Variants in BLM observed in about 807,000 individuals in gnomAD.
BLM encodes BLM RecQ like helicase.
BLM carries 95 observed loss-of-function variants against 135.3 expected under a neutral mutation model. The observed-to-expected ratio is 0.70, with a 90% CI of 0.59 to 0.83. The LOEUF (loss-of-function observed/expected upper bound fraction) is 0.83, where lower values mean the gene tolerates loss of function less well. Among genes scored for constraint, BLM ranks in the 40% least tolerant of loss-of-function variants. The pLI, the probability that BLM is intolerant of heterozygous loss-of-function variation, is 0.00. For missense variants in BLM, 1,518 were observed against 1,663.9 expected (o/e 0.91, Z 1.53); for synonymous variants, 520 against 589.2 (o/e 0.88, Z 1.70).
chr15:90,734,015 T>C (rs1174622254), intron 1 of BLM, among the ~76,000 whole-genome samples: 4 of 152,138 alleles, frequency 2.6e-5, no homozygotes, highest in Admixed American at 6.6e-5. Context: ...TACAGATGAA[T>C]ATTATGTATA....
intron 1 of BLM, among the ~76,000 whole-genome samples, chr15:90,744,707 G>T (rs1010257475): frequency 6.6e-6 from 1 of 151,520 alleles, no homozygotes; most frequent in African/African-American, 2.4e-5. Flanking sequence ...AAATGGTGAA[G>T]TGCCCTAGGA....
rs574053990 is a variant in BLM at position 90,782,864 on chromosome 15, A to T, written c.2598A>T (p.Val866=). 32 of 1,613,966 alleles carry T rather than the reference A, an allele frequency of 2.0e-5. No homozygotes were observed. The African/African-American group carries it at 3.3e-4, about 17-fold the overall frequency. Residue 866 remains valine, a synonymous_variant, in exon 13 of 22, where the codon GTA becomes GTT. Coordinates refer to ENST00000355112, the MANE Select transcript of BLM (RefSeq NM_000057.4). ...SFNRHNLKYY[V]LPKKPKKVAF... is the part of the protein sequence containing the mutation. The stretch of plus-strand genomic sequence containing the variant: ...ACAGACATAATCTGAAATACTATGT[A>T]TTACCGAAAAAGCCTAAAAAGGTGG...
chr15:90,764,674 C>A (rs1896075423), intron 8 of BLM, among the ~76,000 whole-genome samples: 1 of 152,054 alleles, frequency 6.6e-6, no homozygotes, highest in Non-Finnish European at 1.5e-5. Context: ...TTATTTTAAT[C>A]CTAGTGTCAT....
intron 1 of BLM, among the ~76,000 whole-genome samples, chr15:90,733,796 G>C (rs1895128245): frequency 2.0e-5 from 3 of 152,012 alleles, no homozygotes; most frequent in Admixed American, 2.0e-4. Flanking sequence ...CTGCCTTCTT[G>C]CTCTCTTCTT....
chr15:90,728,728 A>C (rs200714910), intron 1 of BLM, among the ~76,000 whole-genome samples: 12 of 152,150 alleles, frequency 7.9e-5, no homozygotes, highest in Non-Finnish European at 1.3e-4. Context: ...TTTTGATGTC[A>C]TCTTAAAAAG....
rs115781921 is a variant in BLM, at chr15:90,748,634, G to A, written c.99-733G>A. Among the ~76,000 whole-genome samples, 519 of 152,218 alleles carry A rather than the reference G, an allele frequency of 3.4e-3. 7 individuals carry two copies. Among genetic ancestry groups the A allele is most frequent in the African/African-American group, 0.012 (510 of 41,532 alleles). ...ATCATTAAATCCAGCAGATAGCCAC[G>A]ATTCCTGCGTCTTTTACTTGTCCTG... is the stretch of plus-strand genomic sequence containing the variant. On this transcript the variant is annotated intron_variant, in intron 2 of 21. Coordinates refer to ENST00000355112, the MANE Select transcript of BLM (RefSeq NM_000057.4).
chr15:90,805,037 C>T (rs927007140), intron 19 of BLM, among the ~76,000 whole-genome samples: 3 of 151,994 alleles, frequency 2.0e-5, no homozygotes, highest in Admixed American at 6.6e-5. Flanking sequence ...GGTTTCTCCA[C>T]GTTGGTCAGG....
chr15:90,723,030 C>T (rs1444627751), intron 1 of BLM, among the ~76,000 whole-genome samples: 6 of 152,122 alleles, frequency 3.9e-5, no homozygotes, highest in African/African-American at 9.6e-5. Context: ...TTAGTAGAGA[C>T]GGGGTTACAT....
intron 1 of BLM, among the ~76,000 whole-genome samples, chr15:90,743,582 G>T (rs1389889818): frequency 6.6e-6 from 1 of 151,730 alleles, no homozygotes; most frequent in Non-Finnish European, 1.5e-5. Context: ...AGGCTATAGT[G>T]CAGTGGCTGT....
intron 13 of BLM, among the ~76,000 whole-genome samples, chr15:90,783,721 G>A (rs770882061): frequency 2.0e-5 from 3 of 152,104 alleles, no homozygotes; most frequent in Admixed American, 6.6e-5. Flanking sequence ...CCAAAACGGT[G>A]AAACCCCATC....
At chr15:90,759,837 C>T (rs1895915321) in intron 5 of BLM, 3 of 290,146 alleles carry the variant, frequency 1.0e-5, no homozygotes, top group Non-Finnish European at 2.0e-5. Context: ...GAACTCCTGA[C>T]CTCAGGTGAT....
At chr15:90,751,160 CT>C (rs1202729909) in intron 3 of BLM, among the ~76,000 whole-genome samples, 2 of 152,184 alleles carry the variant, frequency 1.3e-5, no homozygotes, top group Non-Finnish European at 2.9e-5. Flanking sequence ...GGGGAAGTAA[CT>C]CACCTTATGA....
Position 90,721,519 on chromosome 15 carries a change from G to A in BLM, c.-5+4079G>A, listed in dbSNP as rs182978274. 5.4e-3 allele frequency among the ~76,000 whole-genome samples: 826 copies of A among 152,044 alleles called. 14 individuals are homozygous for A. The highest frequency in any genetic ancestry group is 0.019 in the African/African-American group (789 of 41,494). The stretch of plus-strand genomic sequence containing the variant: ...TTTTTGTATTTTTGGTACAGATGGG[G>A]TTTCACCATGTCAGGCTGGTCTCAA... On this transcript the variant is annotated intron_variant, in intron 1 of 21. Coordinates refer to ENST00000355112, the MANE Select transcript of BLM (RefSeq NM_000057.4).
rs1389743601 is a variant in BLM, at chr15:90,748,645, C to T, written c.99-722C>T. ...CAGCAGATAGCCACGATTCCTGCGT[C>T]TTTTACTTGTCCTGCAGATTTTAAC... On this transcript the variant is annotated intron_variant, in intron 2 of 21. Coordinates refer to ENST00000355112, the MANE Select transcript of BLM (RefSeq NM_000057.4). Among the ~76,000 whole-genome samples the T allele has an allele frequency of 2.0e-5, 3 of 152,198 alleles. No individual in the cohort carries two copies. In the East Asian group the frequency reaches 5.8e-4, roughly 29 times the overall value.
chr15:90,802,991 C>T (rs1305039044), intron 17 of BLM, among the ~76,000 whole-genome samples: 1 of 151,926 alleles, frequency 6.6e-6, no homozygotes, highest in Non-Finnish European at 1.5e-5. Flanking sequence ...ACTAGATGCA[C>T]TTAAATATTT....
intron 19 of BLM, among the ~76,000 whole-genome samples, chr15:90,808,159 G>C (rs1175499770): frequency 1.3e-5 from 2 of 152,158 alleles, no homozygotes; most frequent in Non-Finnish European, 2.9e-5. Flanking sequence ...CCCAGATAAA[G>C]TATACATTTT....
At chr15:90,809,806 C>T (rs1897366378) in intron 20 of BLM, among the ~76,000 whole-genome samples, 1 of 152,186 alleles carries the variant, frequency 6.6e-6, no homozygotes, top group South Asian at 2.1e-4. Context: ...TGTCCTGTGG[C>T]ACTTCTAATC....
chr15:90,798,819 T>A (rs1897094629), intron 17 of BLM, among the ~76,000 whole-genome samples: 1 of 151,956 alleles, frequency 6.6e-6, no homozygotes, highest in Admixed American at 6.6e-5. Flanking sequence ...CTGTCTCTAC[T>A]AAAAATACAA....
intron 12 of BLM, among the ~76,000 whole-genome samples, chr15:90,770,921 A>G (rs892994101): frequency 6.6e-6 from 1 of 152,232 alleles, no homozygotes; most frequent in Non-Finnish European, 1.5e-5. Context: ...TCTGATCTAA[A>G]TCAAGGAATT....
Sources: gnomAD v4.1 joint callset for allele counts (sites outside exome capture counted in the v4.1 genomes callset) on GRCh38, gnomAD v4.1.1 for gene constraint, MANE v1.5 for transcripts, NCBI Gene and HGNC (gene_info 2026-07-23, HGNC 2026-07-21) for gene names.